The following JAK1 variants were observed in gnomAD, a reference collection of about 807,000 sequenced individuals.
JAK1 encodes the protein Janus kinase 1.
Under a neutral mutation model 136.6 loss-of-function variants are expected in JAK1, and 16 were observed. The observed-to-expected ratio is 0.12, with a 90% CI of 0.08 to 0.18. The LOEUF is 0.18. Ranked by LOEUF, JAK1 falls within the 10% of genes least tolerant of loss-of-function variation. The pLI, the probability that JAK1 is intolerant of heterozygous loss-of-function variation, is 1.00. For synonymous variants in JAK1, 492 were observed against 519.5 expected (o/e 0.95, Z 0.72); for missense variants, 859 against 1,450.1 (o/e 0.59, Z 6.62).
At chr1:65,052,655 T>C (rs1647332922) in intron 1 of JAK1, among the ~76,000 whole-genome samples, 2 of 151,700 alleles carry the variant, frequency 1.3e-5, no homozygotes, top group Admixed American at 6.6e-5. Context: ...CTACTAAAAA[T>C]ACAAAAAACT....
At chr1:64,852,542 G>A (rs188936930) in intron 11 of JAK1, among the ~76,000 whole-genome samples, 9 of 152,312 alleles carry the variant, frequency 5.9e-5, no homozygotes, top group Admixed American at 4.6e-4. Context: ...AGGAGAAAAG[G>A]CATCAAGAAG....
intron 1 of JAK1, among the ~76,000 whole-genome samples, chr1:64,902,600 G>GTGTGTA (rs1252859397): frequency 6.6e-6 from 1 of 151,280 alleles, no homozygotes; most frequent in East Asian, 1.9e-4. Flanking sequence ...GTGTGTGTGT[G>GTGTGTA]TGTGTGTGTG....
At chr1:65,028,726 T>C (rs897225840) in intron 2 of JAK1, among the ~76,000 whole-genome samples, 7 of 152,218 alleles carry the variant, frequency 4.6e-5, no homozygotes, top group African/African-American at 1.7e-4. Context: ...TCAGATACCA[T>C]GTTACATGTT....
In JAK1 at chr1:64,873,419, T is replaced by C. The variant is rs1327511385; in HGVS notation, c.434A>G (p.Asp145Gly). 5 of 1,614,196 alleles carry C rather than the reference T, an allele frequency of 3.1e-6. No homozygotes were observed. The highest frequency in any genetic ancestry group is 4.2e-6 in the Non-Finnish European group (5 of 1,180,034). ...GCTGGCATCAAGGAGAGGGGTTGCA[T>C]CTGGAATCTTTTTTTTCTCGTAGCC... ...KNGYEKKKIP[D>G]ATPLLDASSL... The change falls in exon 5 of 25, where the codon GAT (aspartate) becomes GGT (glycine). Residue 145 changes from aspartate (D) to glycine (G), a missense_variant. Physicochemically the swap from Asp to Gly is moderately conservative, Grantham distance 94 (BLOSUM62 -1). This residue lies in a region of JAK1 where 353 missense variants were observed against 494.0 expected (regional missense o/e 0.71). Transcript: ENST00000342505.
chr1:65,054,819 T>A (rs1647457518), intron 1 of JAK1, among the ~76,000 whole-genome samples: 1 of 152,228 alleles, frequency 6.6e-6, no homozygotes, highest in Non-Finnish European at 1.5e-5. Context: ...AAAGCTATGC[T>A]ATGTTGGAAA....
intron 1 of JAK1, among the ~76,000 whole-genome samples, chr1:65,058,999 T>C (rs1196594398): frequency 6.6e-6 from 1 of 152,216 alleles, no homozygotes; most frequent in Non-Finnish European, 1.5e-5. Flanking sequence ...TAATACTTCA[T>C]ATCTGCCAAA....
chr1:64,882,329 G>GT (rs1246597706), intron 3 of JAK1, among the ~76,000 whole-genome samples: 2 of 152,212 alleles, frequency 1.3e-5, no homozygotes, highest in Non-Finnish European at 2.9e-5. Flanking sequence ...TGTTCTGAGG[G>GT]TTAAAGGTGG....
chr1:64,906,581 T>G (rs1365347909), intron 1 of JAK1, among the ~76,000 whole-genome samples: 1 of 152,176 alleles, frequency 6.6e-6, no homozygotes, highest in Non-Finnish European at 1.5e-5. Context: ...ATGTCCCATA[T>G]CCCACGATTT....
chr1:64,837,959 T>C lies in JAK1; in HGVS notation c.3113A>G (p.Lys1038Arg). Residue 1038 changes from lysine to arginine, a missense_variant, in exon 22 of 25, where the codon AAG (lysine) becomes AGG (arginine). By Grantham distance (26) the Lys-to-Arg change is conservative (BLOSUM62 2). Around this residue, in one of 4 missense-constraint regions of JAK1, gnomAD observed 44 missense variants for 137.6 expected, o/e 0.32. Coordinates refer to ENST00000342505, the MANE Select transcript of JAK1 (RefSeq NM_002227.4). ...AAACACAGGGCTGTCCCGGTCATCC[T>C]TGACGGTGTAATACTCCTTATCGGT... ...IETDKEYYTV[K>R]DDRDSPVFWY... 6.2e-7 allele frequency: 1 copy of C among 1,614,068 alleles called. No individual in the cohort carries two copies. Among genetic ancestry groups the C allele is most frequent in the Non-Finnish European group, 8.5e-7 (1 of 1,179,924 alleles).
intron 1 of JAK1, among the ~76,000 whole-genome samples, chr1:65,048,977 C>G (rs1003221575): frequency 1.3e-5 from 2 of 152,184 alleles, no homozygotes; most frequent in Admixed American, 1.3e-4. Flanking sequence ...GTGTTAGTAC[C>G]TTGTCCACTA....
intron 1 of JAK1, among the ~76,000 whole-genome samples, chr1:64,931,905 C>T (rs1051544385): frequency 6.6e-5 from 10 of 151,864 alleles, no homozygotes; most frequent in Non-Finnish European, 1.3e-4. Context: ...CAGCAAAAAA[C>T]TGCAAGAAAC....
intron 11 of JAK1, among the ~76,000 whole-genome samples, chr1:64,854,331 T>A (rs1046655312): frequency 1.3e-5 from 2 of 152,166 alleles, no homozygotes; most frequent in East Asian, 3.9e-4. Context: ...CTGACACTCA[T>A]GGGGCCTCAG....
intron 2 of JAK1, among the ~76,000 whole-genome samples, chr1:65,009,453 A>G (rs751034933): frequency 2.0e-5 from 3 of 152,248 alleles, no homozygotes; most frequent in Non-Finnish European, 4.4e-5. Flanking sequence ...TTAAAAAGAA[A>G]AAAGTACAAA....
chr1:64,973,209 GAAA>G (rs1646467935), intron 2 of JAK1: 1 of 140,220 alleles, frequency 7.1e-6, no homozygotes. Context: ...GAAAGGAAAA[GAAA>G]GAAAGAAAGG....
At chr1:64,839,233 A>T (rs2100956018) in intron 20 of JAK1, among the ~76,000 whole-genome samples, 1 of 152,074 alleles carries the variant, frequency 6.6e-6, no homozygotes, top group African/African-American at 2.4e-5. Context: ...AGATACAATT[A>T]TTAGTAAATA....
At chr1:64,977,366 G>A (rs1419928389) in intron 2 of JAK1, among the ~76,000 whole-genome samples, 1 of 151,914 alleles carries the variant, frequency 6.6e-6, no homozygotes, top group Non-Finnish European at 1.5e-5. Flanking sequence ...TGCCTAGGCT[G>A]GTCTCGAACC....
chr1:65,058,522 T>C, intron 1 of JAK1: 1 of 532,438 alleles, frequency 1.9e-6, no homozygotes, highest in Non-Finnish European at 3.9e-6. Flanking sequence ...TGTCAGTCAC[T>C]GTGTCGGTCA....
intron 20 of JAK1, among the ~76,000 whole-genome samples, chr1:64,838,965 G>A (rs1180506257): frequency 1.3e-5 from 2 of 150,666 alleles, no homozygotes; most frequent in African/African-American, 4.9e-5. Context: ...CTAACACGGT[G>A]AAACCCCGTC....
upstream of JAK1, among the ~76,000 whole-genome samples, chr1:64,970,208 A>G (rs1031305895): frequency 6.9e-6 from 1 of 144,882 alleles, no homozygotes; most frequent in African/African-American, 2.6e-5. Context: ...GGAGGCCAAG[A>G]CGGGGTGGAT....
Sources: gnomAD v4.1 joint callset for allele counts (sites outside exome capture counted in the v4.1 genomes callset) on GRCh38, gnomAD v4.1.1 for gene constraint, gnomAD v4.1.1 regional missense constraint, MANE v1.5 for transcripts, NCBI Gene and HGNC (gene_info 2026-07-23, HGNC 2026-07-21) for gene names.